Variants in DNAJC14 observed in about 807,000 individuals in gnomAD.
DNAJC14 encodes the protein DnaJ heat shock protein family (Hsp40) member C14.
DNAJC14 carries 12 observed loss-of-function variants against 68.8 expected under a neutral mutation model. That is an observed-to-expected ratio of 0.17 (90% CI 0.11 to 0.28). DNAJC14 has a LOEUF of 0.28. Ranked by LOEUF, DNAJC14 falls within the 10% of genes least tolerant of loss-of-function variation. DNAJC14 has a pLI of 1.00. For synonymous variants in DNAJC14, 350 were observed against 321.5 expected, an observed-to-expected ratio of 1.09 and a Z score of -0.95; for missense variants, 764 against 875.6, an observed-to-expected ratio of 0.87 and a Z score of 1.61.
At position 55,823,251 on chromosome 12, in the gene DNAJC14, C is replaced by G. The variant is rs976681721; in HGVS notation, c.1515-62G>C. ...GAGGGAGGGACAAAGGAAGACATATCAGTTGGCCTCTTGAGGCCCCTGTCT... is the reference window on the plus strand; with the variant it reads ...GAGGGAGGGACAAAGGAAGACATATGAGTTGGCCTCTTGAGGCCCCTGTCT... On this transcript the variant is annotated intron_variant, in intron 3 of 6. Coordinates refer to ENST00000678005, the MANE Select transcript of DNAJC14 (RefSeq NM_032364.6). 9.9e-6 allele frequency: 16 copies of G among 1,611,052 alleles called. No individual in the cohort carries two copies. In the African/African-American group the frequency reaches 2.0e-4, roughly 20 times the overall value.
Position 55,828,402 on chromosome 12 carries a change from T to A in DNAJC14, c.257A>T (p.Asp86Val). ...CTCACTCTGATCAGGGTCCTCTGCA[T>A]CTCTAGGTGGTCCTGGACCCCCTGG... is the stretch of plus-strand genomic sequence containing the variant. The part of the protein sequence containing the change: ...GPPGGPGPPR[D>V]AEDPDQSETS... The change falls in exon 2 of 7, where the codon GAT becomes GTT. Residue 86 changes from aspartate (D) to valine (V), a missense_variant. By Grantham distance (152) the Asp-to-Val change is radical. This residue lies in a region of DNAJC14 where 514 missense variants were observed against 521.7 expected (regional missense o/e 0.99). Transcript: ENST00000678005. 1 of 1,614,112 alleles carries A rather than the reference T, an allele frequency of 6.2e-7. No homozygotes were observed. The highest frequency in any genetic ancestry group is 1.1e-5 in the South Asian group (1 of 91,074).
At position 55,823,109 on chromosome 12, in the gene DNAJC14, A is replaced by G. The variant is rs768557433; in HGVS notation, c.1595T>C (p.Met532Thr). Residue 532 changes from methionine (M) to threonine (T), a missense_variant, in exon 4 of 7, where the codon ATG becomes ACG. By Grantham distance (81) the Met-to-Thr change is moderately conservative. Around this residue, in one of 4 missense-constraint regions of DNAJC14, gnomAD observed 110 missense variants for 162.7 expected, o/e 0.68. Coordinates refer to ENST00000678005, the MANE Select transcript of DNAJC14 (RefSeq NM_032364.6). ...GCATCGGCTACACATCATAGTATTC[A>G]TTGCCTCCTTGAGGTCATCTTGCAG... ...SKLQDDLKEA[M>T]NTMMCSRCQG... is the part of the protein sequence containing the mutation. The G allele has an allele frequency of 5.6e-5, 91 of 1,614,032 alleles. No homozygotes were observed. Among genetic ancestry groups the G allele is most frequent in the Non-Finnish European group, 7.6e-5 (90 of 1,180,044 alleles).
At position 55,828,421 on chromosome 12, in the gene DNAJC14, C is replaced by G. The variant is rs1880865937; in HGVS notation, c.238G>C (p.Gly80Arg). 1 of 1,613,840 alleles carries G rather than the reference C, an allele frequency of 6.2e-7. No homozygotes were observed. Among genetic ancestry groups the G allele is most frequent in the African/African-American group, 1.3e-5 (1 of 74,864 alleles). ...TCTGCATCTCTAGGTGGTCCTGGAC[C>G]CCCTGGGGGGCCATGGCTTGGGTCC... ...WLDPSHGPPG[G>R]PGPPRDAEDP... The change falls in exon 2 of 7, where the codon GGT becomes CGT. Residue 80 changes from glycine to arginine, a missense_variant. Around this residue, in one of 4 missense-constraint regions of DNAJC14, gnomAD observed 514 missense variants for 521.7 expected, o/e 0.99. Transcript: ENST00000678005.
chr12:55,829,666 A>G (rs1266528993), upstream of DNAJC14: 1 of 952,994 alleles, frequency 1.0e-6, no homozygotes, highest in African/African-American at 1.8e-5. Context: ...AGAGACGGGA[A>G]GGAAAAGAAA....
At chr12:55,829,606 C>T (rs923116286), upstream of DNAJC14, 7 of 985,406 alleles carry the variant, frequency 7.1e-6, no homozygotes, top group Middle Eastern at 5.2e-4. Context: ...CTTCCGTCCC[C>T]GCGGCCGCCG....
rs201478883 is a variant in DNAJC14 at position 55,828,429 on chromosome 12, G to A, written c.230C>T (p.Pro77Leu). The A allele has an allele frequency of 1.2e-6, 2 of 1,614,104 alleles. No individual in the cohort carries two copies. Among genetic ancestry groups the A allele is most frequent in the African/African-American group, 1.3e-5 (1 of 75,024 alleles). ...PAHWLDPSHG[P>L]PGGPGPPRDA... is the part of the protein sequence containing the mutation. ...TCTAGGTGGTCCTGGACCCCCTGGG[G>A]GGCCATGGCTTGGGTCCAACCAATG... is the stretch of plus-strand genomic sequence containing the variant. The change falls in exon 2 of 7, where the codon CCC becomes CTC. Residue 77 changes from proline (P) to leucine (L), a missense_variant. Pro to Leu is a moderately conservative substitution (Grantham distance 98, BLOSUM62 -3). Coordinates refer to ENST00000678005, the MANE Select transcript of DNAJC14 (RefSeq NM_032364.6).
intron 2 of DNAJC14, among the ~76,000 whole-genome samples, chr12:55,826,573 G>A (rs1031163840): frequency 1.3e-5 from 2 of 151,996 alleles, no homozygotes; most frequent in African/African-American, 2.4e-5. Flanking sequence ...AGACTGAGGC[G>A]AGCGGATCAT....
Position 55,827,522 on chromosome 12 carries a change from A to C in DNAJC14, c.1137T>G (p.Thr379=). 1 of 1,605,686 alleles carries C rather than the reference A, an allele frequency of 6.2e-7. No homozygotes were observed. Among genetic ancestry groups the C allele is most frequent in the Non-Finnish European group, 8.5e-7 (1 of 1,172,894 alleles). The change falls in exon 2 of 7, where the codon ACT becomes ACG. Residue 379 remains threonine, a synonymous_variant. Transcript: ENST00000678005. ...GCCATGGCCTGCTATCTCTCAGCAG[A>C]GTCAAGCAACGCTGCAAGGCTGGAG... ...LDSPALQRCL[T]LLRDSRPWQR...
At chr12:55,824,934 C>A (rs1880754621) in intron 2 of DNAJC14, among the ~76,000 whole-genome samples, 1 of 151,984 alleles carries the variant, frequency 6.6e-6, no homozygotes, top group South Asian at 2.1e-4. Context: ...AGTTCGAGAT[C>A]AGGCTAGCCA....
chr12:55,822,946 A>G, intron 4 of DNAJC14, 124 bp downstream of exon 4: 1 of 1,495,520 alleles, frequency 6.7e-7, no homozygotes, highest in Non-Finnish European at 8.9e-7. Context: ...GTAGAAACTT[A>G]AGGGTCTTTT....
Position 55,827,945 on chromosome 12 carries a change from C to T in DNAJC14, c.714G>A (p.Leu238=). The T allele has an allele frequency of 6.2e-7, 1 of 1,608,540 alleles. No individual in the cohort carries two copies. Among genetic ancestry groups the T allele is most frequent in the Non-Finnish European group, 8.5e-7 (1 of 1,176,352 alleles). ...GTTGACATAGTTCCTCGGCTCCCCA[C>T]AATCCCAGGCCTTTGCGCTTATCTG... is the stretch of plus-strand genomic sequence containing the variant. ...SQADKRKGLG[L]WGAEELCQLG... The change falls in exon 2 of 7, where the codon TTG becomes TTA. Residue 238 remains leucine, a synonymous_variant. Transcript: ENST00000678005.
intron 4 of DNAJC14, 81 bp downstream of exon 4, chr12:55,822,989 T>C: frequency 1.3e-6 from 2 of 1,573,460 alleles, no homozygotes; most frequent in Non-Finnish European, 1.7e-6. Context: ...TAACTCATAA[T>C]TACCAGTACT....
chr12:55,824,719 A>AT (rs1175502592), intron 2 of DNAJC14, among the ~76,000 whole-genome samples: 3 of 152,226 alleles, frequency 2.0e-5, no homozygotes, highest in Non-Finnish European at 4.4e-5. Context: ...AAAAATGAGA[A>AT]TTTTTGTTAA....
At chr12:55,825,975 G>A (rs1453083599) in intron 2 of DNAJC14, among the ~76,000 whole-genome samples, 3 of 152,018 alleles carry the variant, frequency 2.0e-5, no homozygotes, top group African/African-American at 7.3e-5. Flanking sequence ...CCTACCTGGT[G>A]CTAAAATCCT....
In DNAJC14 at chr12:55,828,026, T is replaced by C. The variant is rs756412542; in HGVS notation, c.633A>G (p.Gly211=). 2 of 1,613,558 alleles carry C rather than the reference T, an allele frequency of 1.2e-6. No individual in the cohort carries two copies. The highest frequency in any genetic ancestry group is 1.7e-6 in the Non-Finnish European group (2 of 1,179,838). Residue 211 remains glycine (G), a synonymous_variant, in exon 2 of 7, where the codon GGA becomes GGG. Coordinates refer to ENST00000678005, the MANE Select transcript of DNAJC14 (RefSeq NM_032364.6). ...GACCAGGGGACCTGGGATCCCTACG[T>C]CCACCCTCCCGAGTATCCTCCTTCG... is the stretch of plus-strand genomic sequence containing the variant. ...FPTKEDTREG[G]RRDPRSPGRH...
At chr12:55,823,701 CTTTTTTTTTT>C (rs57733478) in intron 2 of DNAJC14, among the ~76,000 whole-genome samples, 193 bp from the exon 3 acceptor site, 1 of 129,826 alleles carries the variant, frequency 7.7e-6, no homozygotes, top group Admixed American at 8.0e-5. Context: ...CCTTGAATAT[CTTTTTTTTTT>C]TTTTTTTTTT....
chr12:55,822,233 T>C (rs748620462), intron 6 of DNAJC14, 46 bp from the exon 7 acceptor site: 142 of 1,539,596 alleles, frequency 9.2e-5, no homozygotes, highest in African/African-American at 1.4e-5. Flanking sequence ...TAGAGTCATA[T>C]GGTTACCTAA....
chr12:55,822,502 A>G, intron 5 of DNAJC14, 27 bp from the exon 6 acceptor site: 1 of 1,613,782 alleles, frequency 6.2e-7, no homozygotes, highest in East Asian at 2.2e-5. Flanking sequence ...TAATTAGCCA[A>G]AACGTCGCAG....
upstream of DNAJC14, chr12:55,830,061 AGAG>A (rs1264541982): frequency 6.6e-6 from 1 of 152,334 alleles, no homozygotes; most frequent in Non-Finnish European, 1.5e-5. Context: ...GAGGTGGAGC[AGAG>A]GAGAGGGTGC....
Sources: allele counts gnomAD v4.1 joint callset (sites outside exome capture counted in the v4.1 genomes callset), GRCh38; gene constraint gnomAD v4.1.1; regional missense constraint gnomAD v4.1.1; transcripts MANE v1.5; gene names NCBI Gene and HGNC (gene_info 2026-07-23, HGNC 2026-07-21).